Variants in CNTNAP2 observed in about 807,000 individuals in gnomAD.
CNTNAP2 encodes the protein contactin associated protein 2, also known as contactin-associated protein-like 2.
CNTNAP2 carries 98 observed loss-of-function variants against 155.2 expected under a neutral mutation model. The ratio of observed to expected loss-of-function variants is 0.63; its 90% confidence interval spans 0.54 to 0.75. CNTNAP2 has a LOEUF of 0.75. Among genes scored for constraint, CNTNAP2 ranks in the 30% least tolerant of loss-of-function variants. CNTNAP2 has a pLI of 0.00. For missense variants in CNTNAP2, 1,727 were observed against 1,688.1 expected, an observed-to-expected ratio of 1.02 and a Z score of -0.40; for synonymous variants, 651 against 631.2, an observed-to-expected ratio of 1.03 and a Z score of -0.47.
At chr7:147,949,047 C>G (rs1299702411) in intron 14 of CNTNAP2, among the ~76,000 whole-genome samples, 1 of 151,380 alleles carries the variant, frequency 6.6e-6, no homozygotes, top group African/African-American at 2.4e-5. Context: ...ACTAAAAATA[C>G]AAAATTAGCT....
chr7:147,148,121 TGGC>T (rs1801744234), intron 8 of CNTNAP2, among the ~76,000 whole-genome samples: 1 of 151,620 alleles, frequency 6.6e-6, no homozygotes, highest in African/African-American at 2.4e-5. Flanking sequence ...CCGGGCGCGG[TGGC>T]TCACGCCTGT....
At chr7:147,774,622 G>A (rs371921145) in intron 13 of CNTNAP2, among the ~76,000 whole-genome samples, 56 of 152,224 alleles carry the variant, frequency 3.7e-4, no homozygotes, top group Admixed American at 1.0e-3. Flanking sequence ...CAGAAATGCC[G>A]GAGAGCTCAC....
At chr7:147,147,053 C>T (rs564006062) in intron 8 of CNTNAP2, among the ~76,000 whole-genome samples, 76 of 152,218 alleles carry the variant, frequency 5.0e-4, no homozygotes, top group African/African-American at 1.6e-3. Context: ...TTAATTGACT[C>T]ACAGTTCTAC....
chr7:147,207,777 A>G (rs2116564549), intron 8 of CNTNAP2, among the ~76,000 whole-genome samples: 1 of 152,260 alleles, frequency 6.6e-6, no homozygotes, highest in Admixed American at 6.5e-5. Context: ...AAGTTGGAAA[A>G]GAAAGCACAT....
chr7:148,198,569 T>C (rs1419473358), intron 18 of CNTNAP2, among the ~76,000 whole-genome samples: 2 of 152,224 alleles, frequency 1.3e-5, no homozygotes, highest in African/African-American at 4.8e-5. Context: ...TGTGACCGTA[T>C]GTGTCCCAGC....
At chr7:146,178,790 T>G (rs989687333) in intron 1 of CNTNAP2, among the ~76,000 whole-genome samples, 3 of 152,210 alleles carry the variant, frequency 2.0e-5, no homozygotes, top group African/African-American at 7.2e-5. Flanking sequence ...AAAATTATTC[T>G]TTCAGTTCTG....
intron 14 of CNTNAP2, among the ~76,000 whole-genome samples, chr7:147,938,832 T>C (rs1488891656): frequency 6.6e-6 from 1 of 152,160 alleles, no homozygotes; most frequent in Non-Finnish European, 1.5e-5. Context: ...AAAAGAGACA[T>C]GAGAGTGTTG....
At chr7:146,596,160 T>C (rs1441628259) in intron 1 of CNTNAP2, among the ~76,000 whole-genome samples, 1 of 152,062 alleles carries the variant, frequency 6.6e-6, no homozygotes, top group Non-Finnish European at 1.5e-5. Context: ...TATATATGTC[T>C]ATAGTCAGTC....
chr7:146,645,246 G>T (rs1225734530), intron 1 of CNTNAP2, among the ~76,000 whole-genome samples: 2 of 152,080 alleles, frequency 1.3e-5, no homozygotes, highest in Non-Finnish European at 2.9e-5. Flanking sequence ...TGTATCACAA[G>T]AAAAAAATCA....
rs1330967081 is a variant in CNTNAP2 at position 147,437,378 on chromosome 7, CTT to C, written c.1670+41601_1670+41602del. Among the ~76,000 whole-genome samples the C allele has an allele frequency of 3.9e-5, 6 of 152,210 alleles. No individual in the cohort carries two copies. The East Asian group carries it at 9.7e-4, about 25-fold the overall frequency. On this transcript the variant is annotated intron_variant, in intron 10 of 23. Transcript: ENST00000361727. ...TCCTTTAACCATATGGGCCAAATGA[CTT>C]TTGCTTTATTTTATTTTAGGGAATT... is the stretch of plus-strand genomic sequence containing the variant.
intron 1 of CNTNAP2, among the ~76,000 whole-genome samples, chr7:146,252,894 T>C (rs1428678152): frequency 6.6e-6 from 1 of 152,100 alleles, no homozygotes; most frequent in African/African-American, 2.4e-5. Flanking sequence ...GTAATGATAA[T>C]AATGAGAGCA....
intron 9 of CNTNAP2, among the ~76,000 whole-genome samples, chr7:147,325,839 C>T (rs890120261): frequency 3.3e-5 from 5 of 152,158 alleles, no homozygotes; most frequent in South Asian, 4.1e-4. Flanking sequence ...CAGGACTTTT[C>T]GTCATCACAA....
intron 13 of CNTNAP2, among the ~76,000 whole-genome samples, chr7:147,660,125 G>A (rs952658839): frequency 3.9e-5 from 6 of 152,176 alleles, no homozygotes; most frequent in African/African-American, 1.4e-4. Context: ...ATGCCATTTT[G>A]CTCAACACAA....
intron 19 of CNTNAP2, among the ~76,000 whole-genome samples, chr7:148,228,926 T>G (rs6973151): frequency 0.051 from 7,733 of 152,142 alleles, 626 homozygotes; most frequent in African/African-American, 0.17. Context: ...AGAACATCCC[T>G]GCACTCTGCA....
intron 1 of CNTNAP2, among the ~76,000 whole-genome samples, chr7:146,607,553 T>G (rs764630575): frequency 1.3e-5 from 2 of 152,140 alleles, no homozygotes; most frequent in Non-Finnish European, 2.9e-5. Context: ...CATGGCTCAC[T>G]GCATTCTCAA....
intron 10 of CNTNAP2, among the ~76,000 whole-genome samples, chr7:147,485,392 C>T (rs770874413): frequency 6.6e-6 from 1 of 152,170 alleles, no homozygotes; most frequent in Non-Finnish European, 1.5e-5. Flanking sequence ...CCTCTTTCAG[C>T]AGGCTGCTTT....
intron 1 of CNTNAP2, among the ~76,000 whole-genome samples, chr7:146,510,909 GT>G (rs1287331804): frequency 2.0e-5 from 3 of 151,646 alleles, no homozygotes; most frequent in Admixed American, 2.0e-4. Flanking sequence ...TTTTTTCTTT[GT>G]TTTTGAGAGG....
At chr7:148,039,081 C>T (rs1802622490) in intron 15 of CNTNAP2, among the ~76,000 whole-genome samples, 1 of 152,102 alleles carries the variant, frequency 6.6e-6, no homozygotes, top group South Asian at 2.1e-4. Context: ...GTTGAGAAAT[C>T]CTACGCTAGG....
chr7:147,669,745 C>T (rs1325505800), intron 13 of CNTNAP2, among the ~76,000 whole-genome samples: 2 of 152,218 alleles, frequency 1.3e-5, no homozygotes, highest in East Asian at 3.9e-4. Flanking sequence ...CCACCATTGT[C>T]CGCCTCCTGG....
Sources: gnomAD v4.1 joint callset for allele counts (sites outside exome capture counted in the v4.1 genomes callset) on GRCh38, gnomAD v4.1.1 for gene constraint, MANE v1.5 for transcripts, NCBI Gene and HGNC (gene_info 2026-07-23, HGNC 2026-07-21) for gene names.